Variants in ELAVL2 observed in about 807,000 individuals in gnomAD.
The protein encoded by ELAVL2 is ELAV like RNA binding protein 2, also known as ELAV-like protein 2.
A neutral mutation model predicts 34.6 loss-of-function variants in ELAVL2; 4 were observed. The observed-to-expected ratio is 0.12, with a 90% CI of 0.06 to 0.26. The LOEUF is 0.26. ELAVL2 is among the 10% of genes least tolerant of loss of function. The pLI, the probability that ELAVL2 is intolerant of heterozygous loss-of-function variation, is 1.00. For synonymous variants in ELAVL2, 193 were observed against 154.8 expected (o/e 1.25, Z -1.83); for missense variants, 432 against 442.8 (o/e 0.98, Z 0.22).
chr9:23,826,514 C>T (rs1165229469), upstream of ELAVL2, among the ~76,000 whole-genome samples: 1 of 152,224 alleles, frequency 6.6e-6, no homozygotes, highest in Non-Finnish European at 1.5e-5. Flanking sequence ...AGTCCCGTTT[C>T]AAGGTAAGTT....
At chr9:23,753,738 TACC>T (rs1269541124) in intron 2 of ELAVL2, among the ~76,000 whole-genome samples, 4 of 152,254 alleles carry the variant, frequency 2.6e-5, no homozygotes, top group East Asian at 3.9e-4. Context: ...GTCTCTTCTA[TACC>T]ACCAATCTCC....
At chr9:23,739,538 C>G (rs1171921022) in intron 2 of ELAVL2, among the ~76,000 whole-genome samples, 1 of 152,014 alleles carries the variant, frequency 6.6e-6, no homozygotes, top group African/African-American at 2.4e-5. Context: ...GATCCGCCAC[C>G]GCCCCTACCC....
intron 2 of ELAVL2, among the ~76,000 whole-genome samples, chr9:23,732,694 T>G (rs538162495): frequency 5.3e-5 from 8 of 152,190 alleles, no homozygotes; most frequent in Admixed American, 5.2e-4. Flanking sequence ...AACCAGCTTA[T>G]AGTGGAAAGA....
At chr9:23,712,515 G>C (rs2041249929) in intron 3 of ELAVL2, among the ~76,000 whole-genome samples, 2 of 152,120 alleles carry the variant, frequency 1.3e-5, no homozygotes, top group South Asian at 4.1e-4. Flanking sequence ...GAATTATTTA[G>C]GAGATGTTGG....
At chr9:23,714,417 A>G (rs2041791587) in intron 3 of ELAVL2, among the ~76,000 whole-genome samples, 1 of 152,214 alleles carries the variant, frequency 6.6e-6, no homozygotes. Flanking sequence ...AATATTTTGT[A>G]AGATGACAGC....
In ELAVL2 at chr9:23,762,225, G is replaced by T. The variant is rs2055191484; in HGVS notation, c.10C>A (p.Gln4Lys). The change falls in exon 2 of 7, where the codon CAA becomes AAA. Residue 4 changes from glutamine (Q) to lysine (K), a missense_variant. Coordinates refer to ENST00000397312, the MANE Select transcript of ELAVL2 (RefSeq NM_004432.5). The part of the protein sequence containing the change: MET[Q>K]LSNGPTCNNT... ...TTGCAAGTTGGCCCATTAGACAGTT[G>T]TGTTTCCATGGCAGCAATTACCTGC... 1 of 1,613,388 alleles carries T rather than the reference G, an allele frequency of 6.2e-7. No homozygotes were observed. The highest frequency in any genetic ancestry group is 1.1e-5 in the South Asian group (1 of 91,036).
intron 1 of ELAVL2, among the ~76,000 whole-genome samples, chr9:23,772,829 T>C (rs2057540868): frequency 6.6e-6 from 1 of 152,214 alleles, no homozygotes; most frequent in African/African-American, 2.4e-5. Context: ...CATGTATACT[T>C]GTGATTTAGA....
At chr9:23,787,433 T>C (rs983082555) in intron 1 of ELAVL2, among the ~76,000 whole-genome samples, 6 of 151,952 alleles carry the variant, frequency 3.9e-5, no homozygotes, top group Non-Finnish European at 8.8e-5. Context: ...GTTTCCACCA[T>C]GTTGGCCAGG....
At chr9:23,727,618 C>T (rs540781079) in intron 3 of ELAVL2, among the ~76,000 whole-genome samples, 36 of 152,076 alleles carry the variant, frequency 2.4e-4, no homozygotes, top group African/African-American at 8.7e-4. Flanking sequence ...AAACAGAACC[C>T]GGAATCTCAC....
chr9:23,739,746 G>A (rs1183357435), intron 2 of ELAVL2, among the ~76,000 whole-genome samples: 1 of 151,912 alleles, frequency 6.6e-6, no homozygotes, highest in African/African-American at 2.4e-5. Context: ...GCGACCAGCT[G>A]GTGTCAATCT....
At chr9:23,769,322 T>C (rs1025294770) in intron 1 of ELAVL2, among the ~76,000 whole-genome samples, 3 of 152,190 alleles carry the variant, frequency 2.0e-5, no homozygotes, top group African/African-American at 7.2e-5. Flanking sequence ...TATGAGCTTA[T>C]AGATGACAGC....
chr9:23,734,806 A>AG (rs2134757854), intron 2 of ELAVL2, among the ~76,000 whole-genome samples: 1 of 152,208 alleles, frequency 6.6e-6, no homozygotes, highest in South Asian at 2.1e-4. Context: ...TAAAAGCAGT[A>AG]GCAAGGCAAA....
chr9:23,702,306 A>C (rs1291266091), intron 4 of ELAVL2, among the ~76,000 whole-genome samples: 1 of 152,142 alleles, frequency 6.6e-6, no homozygotes, highest in African/African-American at 2.4e-5. Context: ...TCTAGAAGTA[A>C]AGCATCAAAG....
At chr9:23,847,414 T>G in the ELAVL2 span, 1 of 152,070 alleles carries the variant, frequency 6.6e-6, no homozygotes, top group Non-Finnish European at 1.5e-5. Flanking sequence ...TTAAAGTGAG[T>G]CACTGTCATT....
chr9:23,823,094 G>A (rs988860432), intron 1 of ELAVL2, among the ~76,000 whole-genome samples: 3 of 152,210 alleles, frequency 2.0e-5, no homozygotes, highest in Non-Finnish European at 2.9e-5. Flanking sequence ...TGGGGACACC[G>A]GATACAGCTA....
Position 23,692,547 on chromosome 9 carries a change from C to A in ELAVL2, c.*10G>T. 1 of 1,606,412 alleles carries A rather than the reference C, an allele frequency of 6.2e-7. No homozygotes were observed. The highest frequency in any genetic ancestry group is 1.7e-4 in the Middle Eastern group (1 of 6,020). Reference sequence around the variant, plus strand: ...TTTTCATATATAAATGGACTGAGGACAAGAGCTCATTAGGCTTTGTGCGTT... The same window carrying A: ...TTTTCATATATAAATGGACTGAGGAAAAGAGCTCATTAGGCTTTGTGCGTT... On this transcript the variant is annotated 3_prime_UTR_variant, in exon 7 of 7. Coordinates refer to ENST00000397312, the MANE Select transcript of ELAVL2 (RefSeq NM_004432.5).
At chr9:23,734,100 G>T (rs1564156266) in intron 2 of ELAVL2, among the ~76,000 whole-genome samples, 1 of 152,144 alleles carries the variant, frequency 6.6e-6, no homozygotes, top group Non-Finnish European at 1.5e-5. Flanking sequence ...ATGAAAGGGG[G>T]TATCTGCTAT....
At chr9:23,709,587 GA>G (rs1329565103) in intron 3 of ELAVL2, among the ~76,000 whole-genome samples, 1 of 152,142 alleles carries the variant, frequency 6.6e-6, no homozygotes, top group Non-Finnish European at 1.5e-5. Context: ...AGGCCCAAAA[GA>G]GTTCGCTTTA....
intron 2 of ELAVL2, among the ~76,000 whole-genome samples, chr9:23,744,257 T>C (rs1427482539): frequency 1.3e-5 from 2 of 152,176 alleles, no homozygotes; most frequent in Non-Finnish European, 2.9e-5. Flanking sequence ...TCACTCTTGT[T>C]AAAAGAGGTT....
Sources: gnomAD v4.1 joint callset for allele counts (sites outside exome capture counted in the v4.1 genomes callset) on GRCh38, gnomAD v4.1.1 for gene constraint, MANE v1.5 for transcripts, NCBI Gene and HGNC (gene_info 2026-07-23, HGNC 2026-07-21) for gene names.